Variants in GNA14 observed in about 807,000 individuals in gnomAD.
GNA14 encodes the protein guanine nucleotide-binding protein subunit alpha-14.
In GNA14, 50 loss-of-function variants were observed where a neutral mutation model predicts 42.0. That is an observed-to-expected ratio of 1.19 (90% CI 0.95 to 1.51). GNA14 has a LOEUF of 1.51. GNA14 is among the 40% of genes most tolerant of loss of function. GNA14 has a pLI of 0.00. For synonymous variants in GNA14, 173 were observed against 163.1 expected (o/e 1.06, Z -0.46); for missense variants, 473 against 446.2 (o/e 1.06, Z -0.54).
rs1418167588 is a variant in GNA14, at chr9:77,434,517, A to T, written c.315T>A (p.Asn105Lys). 1 of 1,612,874 alleles carries T rather than the reference A, an allele frequency of 6.2e-7. No homozygotes were observed. Among genetic ancestry groups the T allele is most frequent in the Non-Finnish European group, 8.5e-7 (1 of 1,179,550 alleles). ...IQYVCEQNKENAQIIREVEVD... is the reference protein window; with the variant it reads ...IQYVCEQNKEKAQIIREVEVD... ...CTTCCACTTCTCTGATTATCTGGGC[A>T]TTTTCCTACTCAAAGGAAAGAGAAC... The change falls in exon 3 of 7, where the codon AAT becomes AAA. Residue 105 changes from asparagine to lysine, a missense_variant. By Grantham distance (94) the Asn-to-Lys change is moderately conservative. Transcript: ENST00000341700.
chr9:77,592,808 C>T (rs1420038957), intron 1 of GNA14, among the ~76,000 whole-genome samples: 2 of 152,132 alleles, frequency 1.3e-5, no homozygotes, highest in Non-Finnish European at 2.9e-5. Context: ...GCTTTATTGC[C>T]CTTCCTGAAG....
intron 2 of GNA14, among the ~76,000 whole-genome samples, chr9:77,487,923 C>G (rs1273945631): frequency 6.6e-6 from 1 of 152,064 alleles, no homozygotes; most frequent in East Asian, 1.9e-4. Flanking sequence ...GCCAAACATA[C>G]CACGTTGGGC....
intron 4 of GNA14, 49 bp from the exon 5 acceptor site, chr9:77,429,085 T>A: frequency 6.3e-7 from 1 of 1,592,472 alleles, no homozygotes; most frequent in Non-Finnish European, 8.6e-7. Flanking sequence ...ACATGACACT[T>A]CGGGGAAAAA....
At chr9:77,512,320 C>T (rs1427848762) in intron 2 of GNA14, among the ~76,000 whole-genome samples, 2 of 152,176 alleles carry the variant, frequency 1.3e-5, no homozygotes, top group African/African-American at 4.8e-5. Flanking sequence ...AAAGTTACTA[C>T]TCATATCTTA....
At chr9:77,567,833 C>T (rs1822991336) in intron 1 of GNA14, among the ~76,000 whole-genome samples, 1 of 135,944 alleles carries the variant, frequency 7.4e-6, no homozygotes, top group East Asian at 1.9e-4. Context: ...CACCACTGTA[C>T]TCCAGCCTGG....
chr9:77,539,070 C>T (rs1837630065), intron 1 of GNA14, among the ~76,000 whole-genome samples: 1 of 152,178 alleles, frequency 6.6e-6, no homozygotes, highest in Non-Finnish European at 1.5e-5. Flanking sequence ...TGAAAGTGGG[C>T]ATCCTTGTCT....
intron 1 of GNA14, among the ~76,000 whole-genome samples, chr9:77,566,878 T>G (rs761476660): frequency 6.6e-6 from 1 of 152,148 alleles, no homozygotes; most frequent in Non-Finnish European, 1.5e-5. Flanking sequence ...AATTTGAATC[T>G]CAGGAGAGTG....
At chr9:77,504,855 A>T (rs1316200608) in intron 2 of GNA14, among the ~76,000 whole-genome samples, 1 of 151,594 alleles carries the variant, frequency 6.6e-6, no homozygotes, top group East Asian at 1.9e-4. Flanking sequence ...TTTAGTAGAG[A>T]CGGGGTTTCA....
chr9:77,543,410 C>A (rs969979994), intron 1 of GNA14, among the ~76,000 whole-genome samples: 1 of 152,232 alleles, frequency 6.6e-6, no homozygotes, highest in South Asian at 2.1e-4. Flanking sequence ...TCTACCACAG[C>A]TGCAGTGGCA....
At position 77,464,792 on chromosome 9, in the gene GNA14, G is replaced by C. The variant is rs140906264; in HGVS notation, c.310-30270C>G. 6.5e-3 allele frequency among the ~76,000 whole-genome samples: 984 copies of C among 152,302 alleles called. 5 individuals are homozygous for C. Among genetic ancestry groups the C allele is most frequent in the Non-Finnish European group, 9.0e-3 (611 of 68,030 alleles). On this transcript the variant is annotated intron_variant, in intron 2 of 6. Transcript: ENST00000341700. ...GTGAATGTGACCTTATTTGGAAATA[G>C]GATCTTTTCAGATGTAATCAAGTTA...
intron 2 of GNA14, among the ~76,000 whole-genome samples, chr9:77,506,506 A>T (rs1837073298): frequency 6.6e-6 from 1 of 151,980 alleles, no homozygotes; most frequent in African/African-American, 2.4e-5. Context: ...GTGAAACCAC[A>T]TCTCTACTAA....
intron 2 of GNA14, among the ~76,000 whole-genome samples, chr9:77,514,245 A>T (rs1231892531): frequency 6.6e-6 from 1 of 152,204 alleles, no homozygotes; most frequent in African/African-American, 2.4e-5. Context: ...CCGATATCAC[A>T]GTCCCATAGT....
chr9:77,528,843 G>A (rs1837482465), intron 2 of GNA14, among the ~76,000 whole-genome samples: 1 of 152,092 alleles, frequency 6.6e-6, no homozygotes, highest in African/African-American at 2.4e-5. Flanking sequence ...CCAAACTTTG[G>A]AATCCCTGCA....
chr9:77,569,765 T>C (rs1262902140), intron 1 of GNA14, among the ~76,000 whole-genome samples: 2 of 150,462 alleles, frequency 1.3e-5, no homozygotes, highest in Non-Finnish European at 2.9e-5. Flanking sequence ...TCTTTTCCTT[T>C]CTTTCTTTTT....
At chr9:77,580,762 G>T in intron 1 of GNA14, 1 of 191,516 alleles carries the variant, frequency 5.2e-6, no homozygotes, top group South Asian at 1.7e-4. Context: ...GTGTGCTGCT[G>T]CCACCAAGGT....
intron 2 of GNA14, among the ~76,000 whole-genome samples, chr9:77,526,164 C>T (rs1329316944): frequency 3.3e-5 from 5 of 151,074 alleles, no homozygotes; most frequent in Non-Finnish European, 7.4e-5. Flanking sequence ...CTGCCTGCCT[C>T]GGCCTCCCAA....
chr9:77,456,546 A>G (rs1836002423), intron 2 of GNA14: 1 of 152,252 alleles, frequency 6.6e-6, no homozygotes, highest in African/African-American at 2.4e-5. Flanking sequence ...TTCCTTGGTA[A>G]GTTATAAACA....
chr9:77,521,893 C>A (rs1038409882), intron 2 of GNA14, among the ~76,000 whole-genome samples: 1 of 152,090 alleles, frequency 6.6e-6, no homozygotes, highest in African/African-American at 2.4e-5. Context: ...GGTGCAATGG[C>A]GCGATCTTGG....
intron 2 of GNA14, among the ~76,000 whole-genome samples, chr9:77,484,282 A>G (rs1363516226): frequency 6.6e-6 from 1 of 152,202 alleles, no homozygotes; most frequent in Non-Finnish European, 1.5e-5. Flanking sequence ...TTGTCTTAAG[A>G]GGAGTTTTAT....
Sources: gnomAD v4.1 joint callset for allele counts (sites outside exome capture counted in the v4.1 genomes callset) on GRCh38, gnomAD v4.1.1 for gene constraint, MANE v1.5 for transcripts, NCBI Gene and HGNC (gene_info 2026-07-23, HGNC 2026-07-21) for gene names.